KCNU1: variants seen among roughly 807,000 people sequenced by gnomAD.
KCNU1 encodes potassium calcium-activated channel subfamily U member 1.
Under a neutral mutation model 126.8 loss-of-function variants are expected in KCNU1, and 93 were observed. The observed-to-expected ratio is 0.73, with a 90% CI of 0.62 to 0.87. KCNU1 has a LOEUF of 0.87. Among genes scored for constraint, KCNU1 ranks in the 40% least tolerant of loss-of-function variants. The pLI is 0.00. For synonymous variants in KCNU1, 523 were observed against 494.2 expected (o/e 1.06, Z -0.77); for missense variants, 1,330 against 1,367.1 (o/e 0.97, Z 0.43).
At chr8:36,863,506 G>C (rs180795620) in intron 18 of KCNU1, among the ~76,000 whole-genome samples, 4 of 152,126 alleles carry the variant, frequency 2.6e-5, no homozygotes, top group Non-Finnish European at 5.9e-5. Context: ...TCTGGCAAGC[G>C]GATCACACAG....
chr8:36,894,524 G>C (rs1009799576), intron 19 of KCNU1, among the ~76,000 whole-genome samples: 6 of 152,090 alleles, frequency 3.9e-5, no homozygotes, highest in African/African-American at 1.4e-4. Context: ...AAGAATTGAA[G>C]ACATCAGAAG....
chr8:36,803,129 G>A (rs1803371208), intron 2 of KCNU1, among the ~76,000 whole-genome samples: 1 of 152,120 alleles, frequency 6.6e-6, no homozygotes, highest in African/African-American at 2.4e-5. Context: ...AGAGGTCAGA[G>A]GTAGCCTAGT....
At chr8:36,820,291 T>C (rs1326151118) in intron 10 of KCNU1, among the ~76,000 whole-genome samples, 1 of 152,136 alleles carries the variant, frequency 6.6e-6, no homozygotes, top group African/African-American at 2.4e-5. Context: ...AGATAATTGA[T>C]ACAACAAGTG....
intron 19 of KCNU1, among the ~76,000 whole-genome samples, chr8:36,881,740 T>C (rs1235431329): frequency 6.6e-6 from 1 of 151,672 alleles, no homozygotes; most frequent in Non-Finnish European, 1.5e-5. Context: ...CATCATAAAA[T>C]GTGGATAAAA....
chr8:36,916,837 C>T (rs1808130093), intron 22 of KCNU1, among the ~76,000 whole-genome samples: 1 of 152,132 alleles, frequency 6.6e-6, no homozygotes, highest in Non-Finnish European at 1.5e-5. Flanking sequence ...AGTTTTTATC[C>T]TACATTCATT....
Position 36,799,700 on chromosome 8 carries a change from AT to A in KCNU1, c.316-4314del, listed in dbSNP as rs556183981. The stretch of plus-strand genomic sequence containing the variant: ...CAGGCACACGCCACCACACTTGGCT[AT>A]TTTTTTTTTTTTGTATTTTTAGTAG... On this transcript the variant is annotated intron_variant, in intron 2 of 26. Transcript: ENST00000399881. 7.7e-3 allele frequency among the ~76,000 whole-genome samples: 1,076 copies of A among 139,640 alleles called. 14 individuals carry two copies. The highest frequency in any genetic ancestry group is 0.022 in the African/African-American group (835 of 38,448). The allele number at this position is 139,640 out of a possible 152,430, so 91.6% of individuals were successfully genotyped here. A position where few individuals can be genotyped will look rare whatever the true frequency, so the allele number is the denominator to read the frequency against.
chr8:36,903,336 A>G (rs1280373426), intron 19 of KCNU1, among the ~76,000 whole-genome samples: 2 of 152,162 alleles, frequency 1.3e-5, no homozygotes, highest in East Asian at 1.9e-4. Flanking sequence ...TTAATTCACA[A>G]GGAAACCCCC....
chr8:36,890,316 G>A (rs1009778261), intron 19 of KCNU1, among the ~76,000 whole-genome samples: 1 of 151,846 alleles, frequency 6.6e-6, no homozygotes, highest in Non-Finnish European at 1.5e-5. Context: ...TGTATGAGGT[G>A]ACCAATATAC....
In KCNU1 at chr8:36,840,987, T is replaced by C. The variant is rs1804930150; in HGVS notation, c.1687T>C (p.Phe563Leu). ...GATAGCCATCGAATACAAGTCCCTC[T>C]TTACGGATGGTTTCTGGTACCAATA... The part of the protein sequence containing the change: ...LLIAIEYKSL[F>L]TDGFCGLILN... Residue 563 changes from phenylalanine (F) to leucine (L), a missense_variant, in exon 16 of 27, where the codon TTT becomes CTT. By Grantham distance (22) the Phe-to-Leu change is conservative. This residue lies in a region of KCNU1 where 1,054 missense variants were observed against 1,053.9 expected (regional missense o/e 1.00). Coordinates refer to ENST00000399881, the MANE Select transcript of KCNU1 (RefSeq NM_001031836.3). The C allele has an allele frequency of 1.9e-6, 3 of 1,608,502 alleles. No individual in the cohort carries two copies. The highest frequency in any genetic ancestry group is 8.5e-7 in the Non-Finnish European group (1 of 1,175,070).
At chr8:36,834,915 T>C (rs1052594602) in intron 12 of KCNU1, 47 bp downstream of exon 12, 25 of 1,245,376 alleles carry the variant, frequency 2.0e-5, no homozygotes, top group Non-Finnish European at 2.6e-5. Flanking sequence ...TTTTTCTATC[T>C]CTTTTAAAGT....
intron 10 of KCNU1, among the ~76,000 whole-genome samples, chr8:36,829,241 A>G (rs1585425168): frequency 6.6e-6 from 1 of 152,096 alleles, no homozygotes; most frequent in Non-Finnish European, 1.5e-5. Context: ...TGAATATTAC[A>G]TATCTTCTGA....
intron 23 of KCNU1, among the ~76,000 whole-genome samples, chr8:36,921,661 A>G (rs1347362163): frequency 3.5e-3 from 11 of 3,134 alleles, no homozygotes; most frequent in African/African-American, 0.01. Flanking sequence ...GAAGTGAGGA[A>G]AAAAAAAAAA....
chr8:36,914,595 C>T (rs1238503066), intron 22 of KCNU1, among the ~76,000 whole-genome samples: 2 of 151,710 alleles, frequency 1.3e-5, no homozygotes, highest in Admixed American at 6.6e-5. Flanking sequence ...TTGGATGAGG[C>T]GGGGGGTTTT....
chr8:36,808,676 G>T (rs1468274314), intron 6 of KCNU1, 42 bp from the exon 7 acceptor site: 7 of 1,250,358 alleles, frequency 5.6e-6, no homozygotes, highest in Non-Finnish European at 8.1e-6. Context: ...TGTTGTTCTG[G>T]AATCTGTTAG....
chr8:36,862,636 G>A (rs1805772808), intron 18 of KCNU1, among the ~76,000 whole-genome samples: 2 of 152,168 alleles, frequency 1.3e-5, no homozygotes, highest in Admixed American at 6.5e-5. Context: ...GTTTTCAGAT[G>A]AGGTTTTAAG....
intron 22 of KCNU1, among the ~76,000 whole-genome samples, chr8:36,918,065 C>T (rs1808187354): frequency 1.3e-5 from 2 of 152,198 alleles, no homozygotes; most frequent in South Asian, 4.1e-4. Flanking sequence ...CAGCACCACC[C>T]ATATATTTGC....
chr8:36,903,172 C>A (rs1807486372), intron 19 of KCNU1, among the ~76,000 whole-genome samples: 1 of 151,938 alleles, frequency 6.6e-6, no homozygotes, highest in Non-Finnish European at 1.5e-5. Context: ...TTAAGTTTGA[C>A]ACTTCAATCT....
chr8:36,875,428 C>CAT (rs1806246221), intron 19 of KCNU1, among the ~76,000 whole-genome samples: 1 of 148,536 alleles, frequency 6.7e-6, no homozygotes, highest in African/African-American at 2.5e-5. Flanking sequence ...TTATATATAA[C>CAT]ATATATACAT....
chr8:36,907,556 A>G (rs2117516218), intron 20 of KCNU1, among the ~76,000 whole-genome samples: 2 of 152,328 alleles, frequency 1.3e-5, no homozygotes, highest in Non-Finnish European at 2.9e-5. Context: ...AAGGCTCTCC[A>G]GACAAGTAGC....
Sources: gnomAD v4.1 joint callset for allele counts (sites outside exome capture counted in the v4.1 genomes callset) on GRCh38, gnomAD v4.1.1 for gene constraint, gnomAD v4.1.1 regional missense constraint, MANE v1.5 for transcripts, NCBI Gene and HGNC (gene_info 2026-07-23, HGNC 2026-07-21) for gene names.